The following FCGR3A variants were observed in gnomAD, a reference collection of about 807,000 sequenced individuals.
FCGR3A encodes Fc gamma receptor IIIa, also known as low affinity immunoglobulin gamma Fc region receptor III-A.
A neutral mutation model predicts 24.1 loss-of-function variants in FCGR3A; 13 were observed. The ratio of observed to expected loss-of-function variants is 0.54; its 90% CI spans 0.35 to 0.86. The LOEUF is 0.86. Ranked by LOEUF, FCGR3A falls within the 40% of genes least tolerant of loss-of-function variation. The pLI, the probability that FCGR3A is intolerant of heterozygous loss-of-function variation, is 0.01. For synonymous variants in FCGR3A, 93 were observed against 112.2 expected (o/e 0.83, Z 1.08); for missense variants, 235 against 298.0 (o/e 0.79, Z 1.56).
At position 161,542,381 on chromosome 1, in the gene FCGR3A, T is replaced by C. The variant is rs896912720; in HGVS notation, c.*631A>G. ...ATACTTGGAGATGGTCCAGTTCTGA[T>C]AGAGTCCCCTGGAAGACTCAATTCT... On this transcript the variant is annotated 3_prime_UTR_variant, in exon 5 of 5. Coordinates refer to ENST00000443193, the MANE Select transcript of FCGR3A (RefSeq NM_000569.8). 6.6e-6 allele frequency: 1 copy of C among 151,890 alleles called. No homozygotes were observed. Among genetic ancestry groups the C allele is most frequent in the African/African-American group, 2.4e-5 (1 of 41,210 alleles). 9.4% of individuals were successfully genotyped at this position (151,890 alleles called of 1,614,324 possible).
intron 3 of FCGR3A, among the ~76,000 whole-genome samples, chr1:161,547,913 T>C (rs965230681): frequency 2.0e-5 from 3 of 152,272 alleles, no homozygotes; most frequent in African/African-American, 7.2e-5. Flanking sequence ...CTACTAAAAA[T>C]ACAAAAATTA....
chr1:161,548,029 G>A (rs145862532), intron 3 of FCGR3A, among the ~76,000 whole-genome samples: 2,023 of 151,032 alleles, frequency 0.013, 2 homozygotes, highest in African/African-American at 0.046. Context: ...TGAGATTGCC[G>A]CATTGCACTC....
At chr1:161,545,390 C>T in intron 3 of FCGR3A, 1 of 169,730 alleles carries the variant, frequency 5.9e-6, no homozygotes, top group Non-Finnish European at 1.3e-5. Context: ...AAGGAATAGG[C>T]AATCAAAGGA....
In FCGR3A at chr1:161,543,259, C is replaced by A. The variant is rs981686998; in HGVS notation, c.578-60G>T. 38 of 1,571,592 alleles carry A rather than the reference C, an allele frequency of 2.4e-5. No individual in the cohort carries two copies. The Admixed American group carries it at 6.6e-4, about 27-fold the overall frequency. On this transcript the variant is annotated intron_variant, in intron 4 of 4. Transcript: ENST00000443193. ...CAGTCACTAAGGCAGATATTTGGAA[C>A]AAACAGTGAGGTCACCAGTAGAAAG...
intron 3 of FCGR3A, among the ~76,000 whole-genome samples, chr1:161,547,362 C>G (rs1677468484): frequency 6.6e-6 from 1 of 152,128 alleles, no homozygotes; most frequent in Non-Finnish European, 1.5e-5. Context: ...TCCCCCAAAG[C>G]TTGTTCCACC....
intron 3 of FCGR3A, among the ~76,000 whole-genome samples, chr1:161,546,569 C>T (rs940453527): frequency 3.3e-5 from 5 of 151,860 alleles, no homozygotes; most frequent in African/African-American, 7.3e-5. Flanking sequence ...TAAAGGACTG[C>T]GGGGCTGACT....
rs1251214404 is a variant in FCGR3A, at chr1:161,542,793, G to A, written c.*219C>T. ...TGTAGCTCTGAAACTTCAATTTCTA[G>A]GAATGCAGCTACTCACTGGGGCTTC... On this transcript the variant is annotated 3_prime_UTR_variant, in exon 5 of 5. Transcript: ENST00000443193. The A allele has an allele frequency of 1.4e-5, 6 of 439,020 alleles. 1 individual carries two copies. In the Admixed American group the frequency reaches 2.3e-4, roughly 17 times the overall value. The allele number at this position is 439,020 out of a possible 1,614,324, so 27.2% of individuals were successfully genotyped here.
chr1:161,543,664 C>A (rs538859504), intron 4 of FCGR3A, among the ~76,000 whole-genome samples: 4 of 152,106 alleles, frequency 2.6e-5, no homozygotes, highest in African/African-American at 9.7e-5. Flanking sequence ...TTACATGTTA[C>A]CCCATTTGCT....
intron 3 of FCGR3A, among the ~76,000 whole-genome samples, chr1:161,547,498 T>C (rs1677477725): frequency 6.6e-6 from 1 of 152,180 alleles, no homozygotes; most frequent in Non-Finnish European, 1.5e-5. Context: ...TCAAAATATT[T>C]CTCCTACCTG....
At chr1:161,544,512 T>G (rs367724155) in intron 4 of FCGR3A, among the ~76,000 whole-genome samples, 189 bp downstream of exon 4, 4,819 of 150,994 alleles carry the variant, frequency 0.032, 111 homozygotes, top group Middle Eastern at 0.061. Flanking sequence ...AAGAATGGAC[T>G]GAAACAGAGC....
intron 2 of FCGR3A, 119 bp downstream of exon 2, chr1:161,548,892 C>G: frequency 1.7e-6 from 2 of 1,144,162 alleles, no homozygotes; most frequent in Non-Finnish European, 2.6e-6. Context: ...GTTGGAGGAA[C>G]TATCCCTGCT....
upstream of FCGR3A, chr1:161,549,955 G>GCAAGGTGGGTGGGT: frequency 7.7e-7 from 1 of 1,304,304 alleles, no homozygotes; most frequent in Non-Finnish European, 1.1e-6. Context: ...GAGCCTGGAG[G>GCAAGGTGGGTGGGT]CAAGGTGGGT....
chr1:161,545,549 G>T (rs1480276939), intron 3 of FCGR3A: 1 of 153,340 alleles, frequency 6.5e-6, no homozygotes, highest in Non-Finnish European at 1.5e-5. Context: ...GGTTTCTAAG[G>T]TGTCACAGGG....
At chr1:161,548,347 C>T in intron 3 of FCGR3A, 74 bp downstream of exon 3, 3 of 1,604,866 alleles carry the variant, frequency 1.9e-6, no homozygotes, top group Non-Finnish European at 2.6e-6. Flanking sequence ...TCATCTCTGG[C>T]TCTTACCAAG....
chr1:161,544,868 T>C lies in FCGR3A; in HGVS notation c.410A>G (p.His137Arg). 1 of 1,613,886 alleles carries C rather than the reference T, an allele frequency of 6.2e-7. No homozygotes were observed. The highest frequency in any genetic ancestry group is 8.5e-7 in the Non-Finnish European group (1 of 1,179,868). Residue 137 changes from histidine (H) to arginine (R), a missense_variant, in exon 4 of 5, where the codon CAT (histidine) becomes CGT (arginine). Physicochemically the swap from His to Arg is conservative, Grantham distance 29. Coordinates refer to ENST00000443193, the MANE Select transcript of FCGR3A (RefSeq NM_000569.8). ...GCCATTCTGTAAATATGTGACCTTA[T>C]GCAGAGCAGTGTTCTTCCAGCTGTG... ...RCHSWKNTAL[H>R]KVTYLQNGKG...
chr1:161,544,687 G>T lies in FCGR3A; in HGVS notation c.577+14C>A. 1 of 1,610,254 alleles carries T rather than the reference G, an allele frequency of 6.2e-7. No individual in the cohort carries two copies. The highest frequency in any genetic ancestry group is 1.1e-5 in the South Asian group (1 of 90,866). The stretch of plus-strand genomic sequence containing the variant: ...CAGGCGTCCCTGGGCATTCCAGGGT[G>T]GCACATGTCTCACCTTGAGTGATGG... On this transcript the variant is annotated intron_variant, in intron 4 of 4. Coordinates refer to ENST00000443193, the MANE Select transcript of FCGR3A (RefSeq NM_000569.8).
At chr1:161,547,753 C>A (rs1186019397) in intron 3 of FCGR3A, among the ~76,000 whole-genome samples, 1 of 152,272 alleles carries the variant, frequency 6.6e-6, no homozygotes, top group Non-Finnish European at 1.5e-5. Context: ...GAGGTCCTAA[C>A]ACCAAATTCA....
chr1:161,541,946 T>G lies in FCGR3A; in HGVS notation c.*1066A>C, dbSNP rs1677130669. On this transcript the variant is annotated 3_prime_UTR_variant, in exon 5 of 5. Transcript: ENST00000443193. ...CATCCCCACCTCATTGGAACTGACA[T>G]GATGAAGGATTTGAAAGTTTCATAA... 1 of 152,236 alleles carries G rather than the reference T, an allele frequency of 6.6e-6. No individual in the cohort carries two copies. The highest frequency in any genetic ancestry group is 1.9e-4 in the East Asian group (1 of 5,336). 9.4% of individuals were successfully genotyped at this position (152,236 alleles called of 1,614,324 possible).
chr1:161,544,078 T>G (rs1677267638), intron 4 of FCGR3A, among the ~76,000 whole-genome samples: 2 of 152,288 alleles, frequency 1.3e-5, no homozygotes, highest in Non-Finnish European at 2.9e-5. Flanking sequence ...ATCTGTAAAA[T>G]GGAATATTAC....
Sources: allele counts gnomAD v4.1 joint callset (sites outside exome capture counted in the v4.1 genomes callset), GRCh38; gene constraint gnomAD v4.1.1; transcripts MANE v1.5; gene names NCBI Gene and HGNC (gene_info 2026-07-23, HGNC 2026-07-21).